Variants in MUC5AC observed in about 807,000 individuals in gnomAD.
MUC5AC encodes the protein mucin-5AC.
In MUC5AC, 158 loss-of-function variants were observed where a neutral mutation model predicts 169.7. The ratio of observed to expected loss-of-function variants is 0.93; its 90% CI spans 0.82 to 1.06. The LOEUF (loss-of-function observed/expected upper bound fraction) is 1.06. MUC5AC is among the 50% of genes least tolerant of loss of function. The probability of loss-of-function intolerance (pLI) is 0.00; values close to 1 mark genes in which losing one functional copy is unlikely to be tolerated. For missense variants in MUC5AC, 4,359 were observed against 3,089.9 expected (o/e 1.41, Z -9.74); for synonymous variants, 1,975 against 1,237.0 (o/e 1.60, Z -12.52).
rs1861184821 is a variant in MUC5AC, at chr11:1,193,743, G to A, written c.14755+84G>A. 7.0e-6 allele frequency: 5 copies of A among 713,882 alleles called. No individual in the cohort carries two copies. The South Asian group carries it at 7.4e-5, about 11-fold the overall frequency. 44.2% of individuals were successfully genotyped at this position (713,882 alleles called of 1,614,324 possible). Reference sequence around the variant, plus strand: ...GGAAATGGGCGGGGCAGAGGAGGGGGCTTGGCTGAAGCAGAAAAGAATTGG... The same window carrying A: ...GGAAATGGGCGGGGCAGAGGAGGGGACTTGGCTGAAGCAGAAAAGAATTGG... On this transcript the variant is annotated intron_variant, in intron 33 of 48. Transcript: ENST00000621226.
At position 1,192,781 on chromosome 11, in the gene MUC5AC, A is replaced by G. The variant is rs746169779; in HGVS notation, c.14381-2A>G. 8.0e-6 allele frequency: 6 copies of G among 752,766 alleles called. No individual in the cohort carries two copies. The African/African-American group carries it at 1.0e-4, about 13-fold the overall frequency. 46.6% of individuals were successfully genotyped at this position (752,766 alleles called of 1,614,324 possible). A position where few individuals can be genotyped will look rare whatever the true frequency, so the allele number is the denominator to read the frequency against. Reference sequence around the variant, plus strand: ...AGGCTGCCATGTCCCTTCCTCTTACAGGATCCACCATATACCGCCACAGAG... The same window carrying G: ...AGGCTGCCATGTCCCTTCCTCTTACGGGATCCACCATATACCGCCACAGAG... On this transcript the variant is annotated splice_acceptor_variant, in intron 31 of 48. Transcript: ENST00000621226. LOFTEE classifies it high-confidence loss of function.
rs1861015679 is a variant in MUC5AC at position 1,188,810 on chromosome 11, A to G, written c.10665A>G (p.Glu3555=). Residue 3555 remains glutamate (E), a synonymous_variant, in exon 31 of 49, where the codon GAA becomes GAG. Transcript: ENST00000621226. ...ACAACAACATCATCAGGAGTGGGGA[A>G]AAAATCTGCCGCCGACCTGAGGAGA... is the stretch of plus-strand genomic sequence containing the variant. ...ETYNNIIRSG[E]KICRRPEEIT... is the part of the protein sequence containing the mutation. The G allele has an allele frequency of 9.3e-6, 7 of 755,288 alleles. 1 individual carries two copies. The highest frequency in any genetic ancestry group is 4.5e-4 in the Middle Eastern group (2 of 4,414). 46.8% of individuals were successfully genotyped at this position (755,288 alleles called of 1,614,324 possible).
At chr11:1,198,656 G>A (rs1455576723) in intron 43 of MUC5AC, among the ~76,000 whole-genome samples, 3 of 152,170 alleles carry the variant, frequency 2.0e-5, no homozygotes, top group Non-Finnish European at 2.9e-5. Context: ...CCAAGGGGGT[G>A]CAGCGTGGGG....
In MUC5AC at chr11:1,186,719, C is replaced by A; in HGVS notation, c.8574C>A (p.Thr2858=). ...PTTSTTSAPT[T]RTTSVPTSST... is the part of the protein sequence containing the mutation. ...CCAGCACAACCTCTGCCCCTACAAC[C>A]AGAACAACCTCTGTCCCTACAAGCA... The change falls in exon 31 of 49, where the codon ACC becomes ACA. Residue 2858 remains threonine (T), a synonymous_variant. Transcript: ENST00000621226. 2.7e-6 allele frequency: 2 copies of A among 731,120 alleles called. No homozygotes were observed. The highest frequency in any genetic ancestry group is 2.8e-5 in the South Asian group (2 of 70,202). 45.3% of individuals were successfully genotyped at this position (731,120 alleles called of 1,614,324 possible).
chr11:1,175,249 G>A lies in MUC5AC; in HGVS notation c.2380G>A (p.Gly794Arg), dbSNP rs1001053245. The A allele has an allele frequency of 3.5e-5, 14 of 398,558 alleles. No homozygotes were observed. The highest frequency in any genetic ancestry group is 1.3e-4 in the South Asian group (1 of 7,870). 24.7% of individuals were successfully genotyped at this position (398,558 alleles called of 1,614,324 possible). The stretch of plus-strand genomic sequence containing the variant: ...CACACATGGGAAGCTGAGCTGCATC[G>A]GAGGCCAAGCCCCCGCCCCAGGTGA... ...TCTHGKLSCI[G>R]GQAPAPVCAA... Residue 794 changes from glycine (G) to arginine (R), a missense_variant, in exon 19 of 49, where the codon GGA (glycine) becomes AGA (arginine). Transcript: ENST00000621226.
Position 1,168,892 on chromosome 11 carries a change from C to A in MUC5AC, c.1736C>A (p.Ala579Asp), listed in dbSNP as rs769551732. 8.7e-6 allele frequency: 14 copies of A among 1,606,504 alleles called. No homozygotes were observed. The highest frequency in any genetic ancestry group is 1.2e-5 in the Non-Finnish European group (14 of 1,176,234). Residue 579 changes from alanine to aspartate, a missense_variant, in exon 15 of 49, where the codon GCC becomes GAC. Ala to Asp is a moderately radical substitution (Grantham distance 126). Transcript: ENST00000621226. ...GLCGNFNSIQ[A>D]DDFRTLSGVV... Reference sequence around the variant, plus strand: ...TGTGGGAACTTCAACAGCATCCAGGCCGATGACTTCCGGACCCTCAGTGGG... The same window carrying A: ...TGTGGGAACTTCAACAGCATCCAGGACGATGACTTCCGGACCCTCAGTGGG...
chr11:1,160,574 C>T, intron 1 of MUC5AC, 38 bp from the exon 2 acceptor site: 1 of 1,571,592 alleles, frequency 6.4e-7, no homozygotes, highest in Non-Finnish European at 8.6e-7. Context: ...CCCTCAGCCA[C>T]CCTGCATCTG....
At position 1,194,375 on chromosome 11, in the gene MUC5AC, G is replaced by T. The variant is rs765947347; in HGVS notation, c.15006+15G>T. On this transcript the variant is annotated intron_variant, in intron 34 of 48. Coordinates refer to ENST00000621226, the MANE Select transcript of MUC5AC (RefSeq NM_001304359.2). ...TGACAAACGAGGTGGGGGCGCGCCC[G>T]GTGTGCCGCGGAGGGGGTGGGGGAC... is the stretch of plus-strand genomic sequence containing the variant. 1.4e-6 allele frequency: 1 copy of T among 714,148 alleles called. No individual in the cohort carries two copies. The highest frequency in any genetic ancestry group is 2.6e-5 in the East Asian group (1 of 38,134). The allele number at this position is 714,148 out of a possible 1,614,324, so 44.2% of individuals were successfully genotyped here. A position where few individuals can be genotyped will look rare whatever the true frequency, so the allele number is the denominator to read the frequency against.
chr11:1,197,794 C>T (rs1861316165), intron 41 of MUC5AC, 109 bp from the exon 42 acceptor site: 5 of 639,112 alleles, frequency 7.8e-6, no homozygotes, highest in Non-Finnish European at 1.4e-5. Flanking sequence ...CATCTGGAGA[C>T]CCCCGAGCGG....
In MUC5AC at chr11:1,188,310, A is replaced by G. The variant is rs1861003214; in HGVS notation, c.10165A>G (p.Ser3389Gly). ...TTSTTSAPTTSTTSAPTTSTT... is the reference protein window; with the variant it reads ...TTSTTSAPTTGTTSAPTTSTT... The stretch of plus-strand genomic sequence containing the variant: ...CAGCACAACCTCTGCTCCCACAACC[A>G]GCACAACTTCTGCCCCTACAACCAG... Residue 3389 changes from serine to glycine, a missense_variant, in exon 31 of 49, where the codon AGC becomes GGC. Transcript: ENST00000621226. 2 of 697,336 alleles carry G rather than the reference A, an allele frequency of 2.9e-6. No individual in the cohort carries two copies. Among genetic ancestry groups the G allele is most frequent in the Non-Finnish European group, 5.2e-6 (2 of 382,250 alleles). The allele number at this position is 697,336 out of a possible 1,614,324, so 43.2% of individuals were successfully genotyped here. A position where few individuals can be genotyped will look rare whatever the true frequency, so the allele number is the denominator to read the frequency against.
At position 1,174,479 on chromosome 11, in the gene MUC5AC, G is replaced by C; in HGVS notation, c.1966-17G>C. 1 of 1,485,868 alleles carries C rather than the reference G, an allele frequency of 6.7e-7. No homozygotes were observed. Among genetic ancestry groups the C allele is most frequent in the Non-Finnish European group, 9.1e-7 (1 of 1,099,954 alleles). 92.0% of individuals were successfully genotyped at this position (1,485,868 alleles called of 1,614,324 possible). A position where few individuals can be genotyped will look rare whatever the true frequency, so the allele number is the denominator to read the frequency against. On this transcript the variant is annotated splice_polypyrimidine_tract_variant and intron_variant, in intron 16 of 48. Coordinates refer to ENST00000621226, the MANE Select transcript of MUC5AC (RefSeq NM_001304359.2). ...GGGCTGGGGTCTCTGATGCCCCGAT[G>C]ACCCCCTTCCCTGCAGAACTGCATG...
In MUC5AC at chr11:1,186,619, C is replaced by G. The variant is rs1860953303; in HGVS notation, c.8474C>G (p.Thr2825Arg). Reference sequence around the variant, plus strand: ...CAGACCAGCACAACTTCGGCTCCTACAACCAGCACAACTTCTGGTCCTGGA... The same window carrying G: ...CAGACCAGCACAACTTCGGCTCCTAGAACCAGCACAACTTCTGGTCCTGGA... ...TPQTSTTSAP[T>R]TSTTSGPGTT... The change falls in exon 31 of 49, where the codon ACA (threonine) becomes AGA (arginine). Residue 2825 changes from threonine (T) to arginine (R), a missense_variant. Physicochemically the swap from Thr to Arg is moderately conservative, Grantham distance 71. Coordinates refer to ENST00000621226, the MANE Select transcript of MUC5AC (RefSeq NM_001304359.2). 1.4e-6 allele frequency: 1 copy of G among 724,154 alleles called. No individual in the cohort carries two copies. The highest frequency in any genetic ancestry group is 1.4e-5 in the South Asian group (1 of 69,294). The allele number at this position is 724,154 out of a possible 1,614,324, so 44.9% of individuals were successfully genotyped here.
chr11:1,197,927 C>T lies in MUC5AC; in HGVS notation c.16058C>T (p.Ala5353Val), dbSNP rs34815853. The change falls in exon 42 of 49, where the codon GCG becomes GTG. Residue 5353 changes from alanine (A) to valine (V), a missense_variant. Ala to Val is a moderately conservative substitution (Grantham distance 64). Coordinates refer to ENST00000621226, the MANE Select transcript of MUC5AC (RefSeq NM_001304359.2). ...SCACNTSRCPAPVGCPEGARA... is the reference protein window; with the variant it reads ...SCACNTSRCPVPVGCPEGARA... ...GCCTGCAACACCAGCCGCTGCCCCG[C>T]GCCCGTGGGCTGTCCTGAGGGCGCC... 1.6e-5 allele frequency: 12 copies of T among 731,984 alleles called. No individual in the cohort carries two copies. In the Middle Eastern group the frequency reaches 2.3e-3, roughly 141 times the overall value. The allele number at this position is 731,984 out of a possible 1,614,324, so 45.3% of individuals were successfully genotyped here.
At chr11:1,176,056 T>C (rs990891936) in intron 19 of MUC5AC, 95 bp from the exon 20 acceptor site, 396,415 of 398,428 alleles carry the variant, frequency 0.99, 197,233 homozygotes, top group South Asian at 1. Context: ...CCACTCAATG[T>C]GCACGCACAT....
intron 12 of MUC5AC, 112 bp downstream of exon 12, chr11:1,168,099 A>G (rs1590137050): frequency 1.1e-6 from 1 of 893,468 alleles, no homozygotes; most frequent in South Asian, 1.5e-5. Flanking sequence ...AGAGGCGGGG[A>G]CCCTCTGGCA....
At position 1,191,494 on chromosome 11, in the gene MUC5AC, C is replaced by A. The variant is rs1861095257; in HGVS notation, c.13349C>A (p.Thr4450Asn). The change falls in exon 31 of 49, where the codon ACC (threonine) becomes AAC (asparagine). Residue 4450 changes from threonine (T) to asparagine (N), a missense_variant. Coordinates refer to ENST00000621226, the MANE Select transcript of MUC5AC (RefSeq NM_001304359.2). ...TPSPVPTTST[T>N]SASTTSTISL... ...AGCCCTGTTCCCACCACAAGCACAA[C>A]CTCTGCTTCTACAACCAGCACAATC... 3 of 646,132 alleles carry A rather than the reference C, an allele frequency of 4.6e-6. No homozygotes were observed. The highest frequency in any genetic ancestry group is 5.7e-6 in the Non-Finnish European group (2 of 353,044). 40.0% of individuals were successfully genotyped at this position (646,132 alleles called of 1,614,324 possible).
In MUC5AC at chr11:1,161,975, G is replaced by T; in HGVS notation, c.280G>T (p.Gly94Cys). The T allele has an allele frequency of 6.2e-7, 1 of 1,612,352 alleles. No homozygotes were observed. The highest frequency in any genetic ancestry group is 8.5e-7 in the Non-Finnish European group (1 of 1,179,720). ...CAGCTTCCACTACAAGACCTTCGAC[G>T]GCGACGTCTTCCGCTTCCCCGGCCT... ...WGSFHYKTFD[G>C]DVFRFPGLCN... The change falls in exon 4 of 49, where the codon GGC becomes TGC. Residue 94 changes from glycine to cysteine, a missense_variant. Gly to Cys is a radical substitution (Grantham distance 159, BLOSUM62 -3). Transcript: ENST00000621226.
At chr11:1,193,727 CG>C in intron 33 of MUC5AC, 68 bp downstream of exon 33, 1 of 741,202 alleles carries the variant, frequency 1.3e-6, no homozygotes, top group Non-Finnish European at 2.5e-6. Context: ...TGGAAATGGG[CG>C]GGGCAGAGGA....
chr11:1,167,967 AG>A lies in MUC5AC; in HGVS notation c.1478del (p.Ser493ThrfsTer10), dbSNP rs1442318921. 5.8e-6 allele frequency: 9 copies of A among 1,550,560 alleles called. No individual in the cohort carries two copies. The highest frequency in any genetic ancestry group is 7.8e-6 in the Non-Finnish European group (9 of 1,147,308). On this transcript the variant is annotated frameshift_variant, in exon 12 of 49. Coordinates refer to ENST00000621226, the MANE Select transcript of MUC5AC (RefSeq NM_001304359.2). LOFTEE classifies it high-confidence loss of function. ...GACCTGCCTGAAGAGCGTGACACTG[AG>A]CCTGGATGGGGCGCAGACGGTGAGT... is the stretch of plus-strand genomic sequence containing the variant. Reference protein sequence around the residue: ...SETCLKSVTLSLDGAQTVVVI... With the variant: ...SETCLKSVTLXLDGAQTVVVI...
Sources: gnomAD v4.1 joint callset for allele counts (sites outside exome capture counted in the v4.1 genomes callset) on GRCh38, gnomAD v4.1.1 for gene constraint, MANE v1.5 for transcripts, NCBI Gene and HGNC (gene_info 2026-07-23, HGNC 2026-07-21) for gene names.